The following ADAM2 variants were observed in gnomAD, a reference collection of about 807,000 sequenced individuals.
ADAM2 encodes the protein disintegrin and metalloproteinase domain-containing protein 2.
ADAM2 carries 101 observed loss-of-function variants against 99.3 expected under a neutral mutation model. The ratio of observed to expected loss-of-function variants is 1.02; its 90% CI spans 0.87 to 1.20. The LOEUF is 1.20. Among genes scored for constraint, ADAM2 ranks in the 50% most tolerant of loss-of-function variants. The pLI, the probability that ADAM2 is intolerant of heterozygous loss-of-function variation, is 0.00. For synonymous variants in ADAM2, 323 were observed against 287.6 expected, an observed-to-expected ratio of 1.12 and a Z score of -1.25; for missense variants, 948 against 878.7, an observed-to-expected ratio of 1.08 and a Z score of -1.00.
intron 6 of ADAM2, among the ~76,000 whole-genome samples, chr8:39,811,577 C>T (rs903984143): frequency 1.2e-4 from 18 of 152,172 alleles, no homozygotes; most frequent in African/African-American, 3.9e-4. Flanking sequence ...AGCTTATCCA[C>T]CACGATCAAG....
At position 39,749,681 on chromosome 8, in the gene ADAM2, A is replaced by AT; in HGVS notation, c.1860dup (p.Cys621MetfsTer3). On this transcript the variant is annotated frameshift_variant, in exon 17 of 21. Coordinates refer to ENST00000265708, the MANE Select transcript of ADAM2 (RefSeq NM_001464.5). LOFTEE classifies it high-confidence loss of function. Reference sequence around the variant, plus strand: ...CTGCTACTTACACCTCTATCATTGCATTTGTCAGTAGTACAATCATAACCC... The same window carrying AT: ...CTGCTACTTACACCTCTATCATTGCATTTTGTCAGTAGTACAATCATAACCC... 6.2e-7 allele frequency: 1 copy of AT among 1,611,648 alleles called. No homozygotes were observed. Among genetic ancestry groups the AT allele is most frequent in the Admixed American group, 1.7e-5 (1 of 59,832 alleles).
rs1802707704 is a variant in ADAM2 at position 39,769,791 on chromosome 8, C to T, written c.1029-216G>A. On this transcript the variant is annotated intron_variant, in intron 11 of 20. Coordinates refer to ENST00000265708, the MANE Select transcript of ADAM2 (RefSeq NM_001464.5). ...AATCCATAAAGTTTTATTGGCTCTCCTATGACACTTATTCATGACACTGCT... is the reference window on the plus strand; with the variant it reads ...AATCCATAAAGTTTTATTGGCTCTCTTATGACACTTATTCATGACACTGCT... Among the ~76,000 whole-genome samples, 3 of 152,114 alleles carry T rather than the reference C, an allele frequency of 2.0e-5. 1 individual carries two copies. The highest frequency in any genetic ancestry group is 4.1e-4 in the South Asian group (2 of 4,828).
chr8:39,837,300 T>G, intron 1 of ADAM2, 88 bp from the exon 2 acceptor site: 7 of 787,698 alleles, frequency 8.9e-6, no homozygotes, highest in Non-Finnish European at 1.4e-5. Flanking sequence ...CTCTAATCTC[T>G]ATTCTATACG....
intron 7 of ADAM2, among the ~76,000 whole-genome samples, chr8:39,804,945 A>G (rs939709573): frequency 6.6e-6 from 1 of 152,166 alleles, no homozygotes; most frequent in African/African-American, 2.4e-5. Flanking sequence ...TAGTCCATTC[A>G]GGCTGCTATA....
chr8:39,814,298 G>A (rs1358637870), intron 6 of ADAM2, among the ~76,000 whole-genome samples: 1 of 151,920 alleles, frequency 6.6e-6, no homozygotes, highest in Non-Finnish European at 1.5e-5. Context: ...GGCAGAGGTT[G>A]CAGTGAGCCA....
intron 15 of ADAM2, among the ~76,000 whole-genome samples, chr8:39,759,782 G>A (rs1008365471): frequency 6.6e-6 from 1 of 152,292 alleles, no homozygotes; most frequent in African/African-American, 2.4e-5. Context: ...TATTACAGAA[G>A]TTTTACTTTA....
intron 11 of ADAM2, among the ~76,000 whole-genome samples, chr8:39,775,594 A>C (rs933227212): frequency 6.6e-6 from 1 of 152,162 alleles, no homozygotes; most frequent in East Asian, 1.9e-4. Flanking sequence ...CTGACTTTTA[A>C]AAAATACTTC....
chr8:39,774,859 A>G (rs893021504), intron 11 of ADAM2, among the ~76,000 whole-genome samples: 1 of 152,140 alleles, frequency 6.6e-6, no homozygotes, highest in Non-Finnish European at 1.5e-5. Flanking sequence ...AATGCTCAAC[A>G]TTATTAATAC....
At position 39,753,260 on chromosome 8, in the gene ADAM2, T is replaced by C. The variant is rs748554163; in HGVS notation, c.1797+2468A>G. Among the ~76,000 whole-genome samples the C allele has an allele frequency of 7.9e-5, 12 of 152,174 alleles. No homozygotes were observed. The South Asian group carries it at 8.3e-4, about 10-fold the overall frequency. ...GAGAAAAGGTGACTCTTGTTATGTT[T>C]TAGCAAGAAGAGTGGCAGCATTTTG... On this transcript the variant is annotated intron_variant, in intron 16 of 20. Coordinates refer to ENST00000265708, the MANE Select transcript of ADAM2 (RefSeq NM_001464.5).
chr8:39,808,073 G>A (rs1804514230), intron 7 of ADAM2, among the ~76,000 whole-genome samples: 2 of 151,998 alleles, frequency 1.3e-5, no homozygotes, highest in African/African-American at 4.8e-5. Flanking sequence ...TTGTCCTGGA[G>A]GTTCTAGCAA....
At chr8:39,832,689 G>T (rs1805665420) in intron 3 of ADAM2, among the ~76,000 whole-genome samples, 1 of 152,144 alleles carries the variant, frequency 6.6e-6, no homozygotes, top group South Asian at 2.1e-4. Flanking sequence ...GTGATTCTCT[G>T]ATGAAGGCTT....
chr8:39,748,674 C>T (rs1282333256), intron 18 of ADAM2, among the ~76,000 whole-genome samples: 5 of 152,218 alleles, frequency 3.3e-5, no homozygotes, highest in Middle Eastern at 6.8e-3. Context: ...CACAGGGAAC[C>T]GCACTGCCCA....
chr8:39,811,384 T>A (rs1804689202), intron 6 of ADAM2, among the ~76,000 whole-genome samples: 1 of 152,052 alleles, frequency 6.6e-6, no homozygotes, highest in Non-Finnish European at 1.5e-5. Context: ...CTGAAACTAT[T>A]CCAATCAATA....
chr8:39,745,593 T>C (rs1372512627), intron 19 of ADAM2, among the ~76,000 whole-genome samples: 3 of 152,090 alleles, frequency 2.0e-5, no homozygotes, highest in Admixed American at 6.6e-5. Flanking sequence ...AGTTATTTGT[T>C]TTATATTTTC....
Position 39,766,963 on chromosome 8 carries a change from T to C in ADAM2, c.1392A>G (p.Ser464=), listed in dbSNP as rs772886753. 2 of 1,614,210 alleles carry C rather than the reference T, an allele frequency of 1.2e-6. No homozygotes were observed. The highest frequency in any genetic ancestry group is 1.1e-5 in the South Asian group (1 of 91,084). The change falls in exon 14 of 21, where the codon TCA becomes TCG. Residue 464 remains serine (S), a synonymous_variant. Transcript: ENST00000265708. ...LPEYCNGSSA[S]CPENHYVQTG... is the part of the protein sequence containing the mutation. Reference sequence around the variant, plus strand: ...TCTGAACATAGTGGTTTTCTGGGCATGATGCAGATGATCCATTGCAATATT... The same window carrying C: ...TCTGAACATAGTGGTTTTCTGGGCACGATGCAGATGATCCATTGCAATATT...
chr8:39,769,626 C>T (rs1802701038), intron 11 of ADAM2, 51 bp from the exon 12 acceptor site: 3 of 1,290,290 alleles, frequency 2.3e-6, no homozygotes, highest in Non-Finnish European at 3.3e-6. Context: ...CCATAAACTA[C>T]CTACCCTTAG....
In ADAM2 at chr8:39,816,541, G is replaced by A. The variant is rs146753701; in HGVS notation, c.513+4461C>T. On this transcript the variant is annotated intron_variant, in intron 6 of 20. Coordinates refer to ENST00000265708, the MANE Select transcript of ADAM2 (RefSeq NM_001464.5). ...GCAATATTATAATATTTAAAAAGTA[G>A]AAACAACCAATTTGTTCATCAGCTT... Among the ~76,000 whole-genome samples the A allele has an allele frequency of 3.7e-3, 560 of 152,150 alleles. 3 individuals carry two copies. The highest frequency in any genetic ancestry group is 0.013 in the African/African-American group (537 of 41,512).
intron 14 of ADAM2, among the ~76,000 whole-genome samples, chr8:39,762,947 T>G (rs1203879275): frequency 6.6e-6 from 1 of 152,188 alleles, no homozygotes; most frequent in African/African-American, 2.4e-5. Flanking sequence ...TAGTTCTGGT[T>G]GATAGAATTG....
Position 39,787,003 on chromosome 8 carries a change from C to G in ADAM2, c.862G>C (p.Asp288His). 6.3e-7 allele frequency: 1 copy of G among 1,592,616 alleles called. No homozygotes were observed. Among genetic ancestry groups the G allele is most frequent in the Non-Finnish European group, 8.6e-7 (1 of 1,169,268 alleles). ...ACAACACCTCCTGCATAGTTTGCATCACACATCTTCCCTTGAAAGGTTGCA... is the reference window on the plus strand; with the variant it reads ...ACAACACCTCCTGCATAGTTTGCATGACACATCTTCCCTTGAAAGGTTGCA... ...VGATFQGKMC[D>H]ANYAGGVVLH... Residue 288 changes from aspartate (D) to histidine (H), a missense_variant, in exon 10 of 21, where the codon GAT becomes CAT. Transcript: ENST00000265708.
Sources: allele counts gnomAD v4.1 joint callset (sites outside exome capture counted in the v4.1 genomes callset), GRCh38; gene constraint gnomAD v4.1.1; transcripts MANE v1.5; gene names NCBI Gene and HGNC (gene_info 2026-07-23, HGNC 2026-07-21).